The following RIN2 variants were observed in gnomAD, a reference collection of about 807,000 sequenced individuals.
The protein encoded by RIN2 is RAB5 interacting protein 2.
In RIN2, 36 loss-of-function variants were observed where a neutral mutation model predicts 78.0. The observed-to-expected ratio is 0.46, with a 90% CI of 0.35 to 0.61. The LOEUF (loss-of-function observed/expected upper bound fraction) is 0.61, where lower values mean the gene tolerates loss of function less well. Among genes scored for constraint, RIN2 ranks in the 20% least tolerant of loss-of-function variants. RIN2 has a pLI of 0.00. For synonymous variants in RIN2, 466 were observed against 466.8 expected, an observed-to-expected ratio of 1.00 and a Z score of 0.02; for missense variants, 1,087 against 1,159.7, an observed-to-expected ratio of 0.94 and a Z score of 0.91.
intron 3 of RIN2, among the ~76,000 whole-genome samples, chr20:19,921,004 T>TTTG (rs2039894684): frequency 6.6e-6 from 1 of 152,156 alleles, no homozygotes. Flanking sequence ...TGTTTGTTTG[T>TTTG]TTGTTTGTTT....
At chr20:19,842,667 G>A (rs1183458616) in intron 2 of RIN2, among the ~76,000 whole-genome samples, 2 of 152,044 alleles carry the variant, frequency 1.3e-5, no homozygotes, top group Non-Finnish European at 2.9e-5. Flanking sequence ...CCACCCAAGA[G>A]TTCTAACTGA....
At chr20:19,815,322 A>G (rs2035731077) in intron 2 of RIN2, among the ~76,000 whole-genome samples, 1 of 152,258 alleles carries the variant, frequency 6.6e-6, no homozygotes. Flanking sequence ...AGCAAAAGCT[A>G]AAATTTAAAA....
At chr20:19,835,161 A>AGGAG (rs1222976880) in intron 2 of RIN2, among the ~76,000 whole-genome samples, 1 of 147,912 alleles carries the variant, frequency 6.8e-6, no homozygotes, top group Non-Finnish European at 1.5e-5. Flanking sequence ...GAAGGAAGGA[A>AGGAG]TGAAGGGAAG....
intron 2 of RIN2, among the ~76,000 whole-genome samples, chr20:19,816,060 A>G (rs2035757336): frequency 6.6e-6 from 1 of 152,234 alleles, no homozygotes; most frequent in Admixed American, 6.5e-5. Flanking sequence ...TGGCATATAA[A>G]TAGTATTTGT....
intron 2 of RIN2, among the ~76,000 whole-genome samples, chr20:19,855,886 C>T (rs1470986220): frequency 6.6e-6 from 1 of 152,076 alleles, no homozygotes; most frequent in East Asian, 1.9e-4. Flanking sequence ...CCAGCCTGGC[C>T]AACATGGTGA....
At chr20:19,847,884 A>G (rs1391170858) in intron 2 of RIN2, among the ~76,000 whole-genome samples, 1 of 152,186 alleles carries the variant, frequency 6.6e-6, no homozygotes, top group Non-Finnish European at 1.5e-5. Context: ...TTTTCTGTAG[A>G]GATCCACAGA....
chr20:19,964,982 T>C lies in RIN2; in HGVS notation c.494T>C (p.Phe165Ser), dbSNP rs927332798. Residue 165 changes from phenylalanine to serine, a missense_variant, in exon 7 of 13, where the codon TTC (phenylalanine) becomes TCC (serine). Physicochemically the swap from Phe to Ser is radical, Grantham distance 155. Around this residue, in one of 8 missense-constraint regions of RIN2, gnomAD observed 706 missense variants for 667.5 expected, o/e 1.06. Transcript: ENST00000255006. ...TFSLEGSGIS[F>S]ADLFRLIAFY... is the part of the protein sequence containing the mutation. ...TCCCTGGAAGGCTCAGGAATCAGTTTCGCAGATTTATTCCGGCTCATTGCT... is the reference window on the plus strand; with the variant it reads ...TCCCTGGAAGGCTCAGGAATCAGTTCCGCAGATTTATTCCGGCTCATTGCT... 6.2e-7 allele frequency: 1 copy of C among 1,613,744 alleles called. No homozygotes were observed. Among genetic ancestry groups the C allele is most frequent in the Non-Finnish European group, 8.5e-7 (1 of 1,179,846 alleles).
At chr20:19,922,993 A>G (rs2039989721) in intron 3 of RIN2, among the ~76,000 whole-genome samples, 1 of 152,224 alleles carries the variant, frequency 6.6e-6, no homozygotes, top group South Asian at 2.1e-4. Flanking sequence ...CGCAGCCTTC[A>G]TCCTGTCCTC....
intron 2 of RIN2, among the ~76,000 whole-genome samples, chr20:19,888,847 A>T (rs1466515596): frequency 6.6e-6 from 1 of 152,342 alleles, no homozygotes; most frequent in African/African-American, 2.4e-5. Context: ...GGGAAGAATT[A>T]TTGGGATCTG....
intron 3 of RIN2, among the ~76,000 whole-genome samples, chr20:19,924,434 C>CCACCTTCATACCCTCACCTTCATACCCT (rs1244822733): frequency 2.5e-5 from 2 of 79,380 alleles, no homozygotes; most frequent in African/African-American, 1.1e-4. Flanking sequence ...TTTCATACCC[C>CCACCTTCATACCCTCACCTTCATACCCT]CACCTTCATA....
chr20:19,855,758 G>A (rs1267907529), intron 2 of RIN2, among the ~76,000 whole-genome samples: 2 of 152,022 alleles, frequency 1.3e-5, no homozygotes, highest in African/African-American at 4.8e-5. Flanking sequence ...GGAGGCTTGG[G>A]GGAAAAAAAT....
chr20:19,865,500 T>TC (rs923028423), intron 2 of RIN2, among the ~76,000 whole-genome samples: 3 of 124,786 alleles, frequency 2.4e-5, no homozygotes, highest in African/African-American at 9.9e-5. Context: ...TTTTTTTTTT[T>TC]TTTGGCAACA....
chr20:19,780,883 GGCT>G (rs2034478459), intron 1 of RIN2, among the ~76,000 whole-genome samples: 1 of 152,220 alleles, frequency 6.6e-6, no homozygotes, highest in South Asian at 2.1e-4. Context: ...TTTGTGCTGT[GGCT>G]TTACATGTAA....
chr20:19,929,960 A>G (rs2040375471), intron 3 of RIN2, among the ~76,000 whole-genome samples: 1 of 152,100 alleles, frequency 6.6e-6, no homozygotes, highest in Non-Finnish European at 1.5e-5. Flanking sequence ...GTGGGTATAT[A>G]CACATGATTC....
intron 3 of RIN2, among the ~76,000 whole-genome samples, chr20:19,928,012 C>T (rs533169563): frequency 1.2e-4 from 18 of 152,310 alleles, no homozygotes; most frequent in Admixed American, 2.6e-4. Context: ...AAGTGATTCT[C>T]CTGCCTCCGC....
intron 2 of RIN2, among the ~76,000 whole-genome samples, chr20:19,854,733 AT>A (rs1243955439): frequency 1.3e-5 from 2 of 152,200 alleles, no homozygotes; most frequent in Non-Finnish European, 2.9e-5. Context: ...TTGATTTTGT[AT>A]CCTGAGACTT....
rs543116344 is a variant in RIN2, at chr20:19,760,526, C to T, written c.-163+2199C>T. ...CCACCCAAGGTGTCCTGCCATACAC[C>T]TTATCCAAAGTCAAGGGTCACTACC... is the stretch of plus-strand genomic sequence containing the variant. On this transcript the variant is annotated intron_variant, in intron 1 of 12. Transcript: ENST00000255006. 2.6e-5 allele frequency among the ~76,000 whole-genome samples: 4 copies of T among 152,244 alleles called. No individual in the cohort carries two copies. In the East Asian group the frequency reaches 7.7e-4, roughly 29 times the overall value.
At chr20:19,788,441 A>AAAAAAAAAACAAAAACAAAAAC (rs1568752714) in intron 1 of RIN2, among the ~76,000 whole-genome samples, 16 of 148,980 alleles carry the variant, frequency 1.1e-4, no homozygotes, top group East Asian at 6.1e-4. Flanking sequence ...CCAAAAAAAA[A>AAAAAAAAAACAAAAACAAAAAC]AAAAAAAACA....
intron 8 of RIN2, among the ~76,000 whole-genome samples, chr20:19,973,428 C>T (rs1234369411): frequency 6.6e-6 from 1 of 152,178 alleles, no homozygotes; most frequent in Non-Finnish European, 1.5e-5. Context: ...TCTCAGTCCT[C>T]CCATGGCCAG....
Sources: gnomAD v4.1 joint callset for allele counts (sites outside exome capture counted in the v4.1 genomes callset) on GRCh38, gnomAD v4.1.1 for gene constraint, gnomAD v4.1.1 regional missense constraint, MANE v1.5 for transcripts, NCBI Gene and HGNC (gene_info 2026-07-23, HGNC 2026-07-21) for gene names.